The following GRID2 variants were observed in gnomAD, a reference collection of about 807,000 sequenced individuals.
The protein encoded by GRID2 is glutamate ionotropic receptor delta type subunit 2.
In GRID2, 33 loss-of-function variants were observed where a neutral mutation model predicts 114.8. That is an observed-to-expected ratio of 0.29 (90% CI 0.22 to 0.38). GRID2 has a LOEUF of 0.38. Ranked by LOEUF, GRID2 falls within the 10% of genes least tolerant of loss-of-function variation. The probability of loss-of-function intolerance (pLI) is 1.00; values close to 1 mark genes in which losing one functional copy is unlikely to be tolerated. For synonymous variants in GRID2, 505 were observed against 449.9 expected, an observed-to-expected ratio of 1.12 and a Z score of -1.55; for missense variants, 1,184 against 1,257.7, an observed-to-expected ratio of 0.94 and a Z score of 0.89.
chr4:92,887,314 C>G (rs189874235), intron 2 of GRID2, among the ~76,000 whole-genome samples: 1 of 152,240 alleles, frequency 6.6e-6, no homozygotes, highest in Admixed American at 6.5e-5. Flanking sequence ...GAGCTTGGTG[C>G]CTGGTGACTA....
chr4:93,121,091 A>T (rs1335927989), intron 4 of GRID2, among the ~76,000 whole-genome samples: 1 of 152,152 alleles, frequency 6.6e-6, no homozygotes, highest in Admixed American at 6.5e-5. Flanking sequence ...AACTTAAAGT[A>T]TAATAATAAT....
intron 2 of GRID2, among the ~76,000 whole-genome samples, chr4:92,643,885 T>A (rs1342438280): frequency 2.6e-5 from 4 of 151,864 alleles, no homozygotes; most frequent in African/African-American, 7.2e-5. Context: ...CTAATCAGAA[T>A]TGTCTTTTTC....
At chr4:93,785,413 G>A (rs1734571796) in intron 1 of GRID2, among the ~76,000 whole-genome samples, 1 of 152,154 alleles carries the variant, frequency 6.6e-6, no homozygotes, top group Non-Finnish European at 1.5e-5. Flanking sequence ...AGTTAGAACT[G>A]AGGGAGTATT....
intron 10 of GRID2, among the ~76,000 whole-genome samples, chr4:93,430,019 G>A (rs1197596318): frequency 6.6e-6 from 1 of 151,968 alleles, no homozygotes; most frequent in African/African-American, 2.4e-5. Context: ...CAGCTGCTTG[G>A]GACTACACAG....
At chr4:92,919,100 A>C (rs916028275) in intron 2 of GRID2, among the ~76,000 whole-genome samples, 1 of 152,126 alleles carries the variant, frequency 6.6e-6, no homozygotes, top group Non-Finnish European at 1.5e-5. Flanking sequence ...GTGTTGAGGA[A>C]TTTATCCATT....
At position 93,085,190 on chromosome 4, in the gene GRID2, G is replaced by A. The variant is rs748007167; in HGVS notation, c.440G>A (p.Arg147His). 1.2e-6 allele frequency: 2 copies of A among 1,613,390 alleles called. No individual in the cohort carries two copies. Among genetic ancestry groups the A allele is most frequent in the Non-Finnish European group, 1.7e-6 (2 of 1,179,742 alleles). Residue 147 changes from arginine (R) to histidine (H), a missense_variant, in exon 3 of 16, where the codon CGC becomes CAC. Coordinates refer to ENST00000282020, the MANE Select transcript of GRID2 (RefSeq NM_001510.4). ...NRNDDYTLSV[R>H]PPVYLHDVIL... ...AATGATGACTACACTCTCTCAGTTC[G>A]CCCACCTGTCTACTTGCATGATGTT...
Position 93,316,312 on chromosome 4 carries a change from GAAAGAAAGAAAGAAAGAAAGAAAGAAA to G in GRID2, c.1245+77823_1245+77849del, listed in dbSNP as rs1560490618. Among the ~76,000 whole-genome samples, 1,154 of 122,400 alleles carry G rather than the reference GAAAGAAAGAAAGAAAGAAAGAAAGAAA, an allele frequency of 9.4e-3. 21 individuals are homozygous for G. Among genetic ancestry groups the G allele is most frequent in the African/African-American group, 0.036 (998 of 28,058 alleles). The allele number at this position is 122,400 out of a possible 152,430, so 80.3% of individuals were successfully genotyped here. On this transcript the variant is annotated intron_variant, in intron 8 of 15. Coordinates refer to ENST00000282020, the MANE Select transcript of GRID2 (RefSeq NM_001510.4). ...AGAACGAAAGAAAGAAAGAAAGAAAGAAAGAAAGAAAGAAAGAAAGAAAGAAAGAAGGAAGGAAGGAAGGAAGGAAAA... is the reference window on the plus strand; with the variant it reads ...AGAACGAAAGAAAGAAAGAAAGAAAGGAAGGAAGGAAGGAAGGAAGGAAAA...
chr4:92,348,759 C>T (rs146042296), intron 1 of GRID2, among the ~76,000 whole-genome samples: 113 of 152,200 alleles, frequency 7.4e-4, no homozygotes, highest in African/African-American at 2.5e-3. Context: ...AAACACATAA[C>T]GTCTCCAGGC....
chr4:93,345,745 A>G (rs898944038), intron 8 of GRID2, among the ~76,000 whole-genome samples: 2 of 151,994 alleles, frequency 1.3e-5, no homozygotes, highest in African/African-American at 2.4e-5. Flanking sequence ...CCTTAATTCT[A>G]TGTTTTCTTC....
intron 2 of GRID2, among the ~76,000 whole-genome samples, chr4:93,023,740 C>T (rs1212317643): frequency 1.3e-5 from 2 of 151,528 alleles, no homozygotes; most frequent in African/African-American, 2.4e-5. Context: ...AAAAACACGT[C>T]GGAATATGAT....
intron 13 of GRID2, among the ~76,000 whole-genome samples, chr4:93,594,400 A>T (rs1255612268): frequency 1.3e-5 from 2 of 152,210 alleles, no homozygotes; most frequent in Non-Finnish European, 2.9e-5. Context: ...TTGAGGAGGC[A>T]GTCCGCCCAT....
At chr4:93,520,998 G>A (rs1343697706) in intron 13 of GRID2, among the ~76,000 whole-genome samples, 1 of 152,108 alleles carries the variant, frequency 6.6e-6, no homozygotes. Flanking sequence ...GGCGGGGGTG[G>A]ACCAGAGTGA....
chr4:92,553,159 G>A (rs1032774578), intron 1 of GRID2, among the ~76,000 whole-genome samples: 3 of 152,058 alleles, frequency 2.0e-5, no homozygotes, highest in South Asian at 4.1e-4. Context: ...CTTAGAATAG[G>A]GTGATTACCA....
intron 4 of GRID2, among the ~76,000 whole-genome samples, chr4:93,122,100 A>T (rs1410769075): frequency 1.3e-5 from 2 of 152,124 alleles, no homozygotes; most frequent in Non-Finnish European, 2.9e-5. Context: ...TCTTATTTGT[A>T]ATGTAGTCCA....
intron 1 of GRID2, among the ~76,000 whole-genome samples, chr4:92,393,189 G>A (rs1211622733): frequency 6.6e-6 from 1 of 152,072 alleles, no homozygotes; most frequent in Non-Finnish European, 1.5e-5. Flanking sequence ...ATATAGGTAG[G>A]ACCAATCCAT....
At chr4:92,735,744 T>C (rs1344841754) in intron 2 of GRID2, among the ~76,000 whole-genome samples, 1 of 149,060 alleles carries the variant, frequency 6.7e-6, no homozygotes, top group Non-Finnish European at 1.5e-5. Flanking sequence ...CTAGCTTCTT[T>C]TTTTTATTTT....
At chr4:93,265,887 A>T (rs1750771086) in intron 8 of GRID2, among the ~76,000 whole-genome samples, 1 of 152,132 alleles carries the variant, frequency 6.6e-6, no homozygotes, top group East Asian at 1.9e-4. Flanking sequence ...CATTTGTAGG[A>T]TTATTATCTC....
At chr4:92,741,769 T>C (rs7680628) in intron 2 of GRID2, among the ~76,000 whole-genome samples, 42,322 of 152,128 alleles carry the variant, frequency 0.28, 6,416 homozygotes, top group Middle Eastern at 0.49. Flanking sequence ...GTTGAGTTAC[T>C]TGGCTTATTT....
intron 7 of GRID2, among the ~76,000 whole-genome samples, chr4:93,233,196 G>C (rs1451283209): frequency 6.6e-6 from 1 of 152,032 alleles, no homozygotes; most frequent in African/African-American, 2.4e-5. Context: ...ATAAGCCCAA[G>C]GCAGCCAGAA....
Sources: gnomAD v4.1 joint callset for allele counts (sites outside exome capture counted in the v4.1 genomes callset) on GRCh38, gnomAD v4.1.1 for gene constraint, MANE v1.5 for transcripts, NCBI Gene and HGNC (gene_info 2026-07-23, HGNC 2026-07-21) for gene names.